ATXN7L1: variants seen among roughly 807,000 people sequenced by gnomAD.
The protein encoded by ATXN7L1 is ataxin-7-like protein 1.
A neutral mutation model predicts 70.8 loss-of-function variants in ATXN7L1; 15 were observed. That is an observed-to-expected ratio of 0.21 (90% CI 0.14 to 0.33). The LOEUF (loss-of-function observed/expected upper bound fraction) is 0.33, where lower values mean the gene tolerates loss of function less well. Among genes scored for constraint, ATXN7L1 ranks in the 10% least tolerant of loss-of-function variants. ATXN7L1 has a pLI of 1.00. For missense variants in ATXN7L1, 975 were observed against 1,097.1 expected (o/e 0.89, Z 1.57); for synonymous variants, 440 against 445.1 (o/e 0.99, Z 0.14).
chr7:105,679,059 G>A (rs1202407957), intron 3 of ATXN7L1: 5 of 985,326 alleles, frequency 5.1e-6, no homozygotes, highest in East Asian at 1.1e-4. Context: ...TACACATCCC[G>A]GGGAGGCTGC....
At chr7:105,839,487 G>A (rs960993230) in intron 2 of ATXN7L1, among the ~76,000 whole-genome samples, 3 of 152,210 alleles carry the variant, frequency 2.0e-5, no homozygotes, top group African/African-American at 7.2e-5. Flanking sequence ...ATATGAGCCT[G>A]TTTGGCCATT....
At chr7:105,622,644 T>C (rs190026922) in intron 8 of ATXN7L1, among the ~76,000 whole-genome samples, 116 of 152,362 alleles carry the variant, frequency 7.6e-4, no homozygotes, top group African/African-American at 2.6e-3. Context: ...GGATGAATCA[T>C]GGCTGGTTCC....
chr7:105,801,007 G>C (rs1158596397), intron 2 of ATXN7L1, among the ~76,000 whole-genome samples: 1 of 152,186 alleles, frequency 6.6e-6, no homozygotes, highest in East Asian at 1.9e-4. Context: ...TTGAATTCTA[G>C]CACCACCTAC....
chr7:105,674,013 G>A (rs1804207523), intron 3 of ATXN7L1, among the ~76,000 whole-genome samples: 2 of 152,234 alleles, frequency 1.3e-5, no homozygotes, highest in South Asian at 4.1e-4. Flanking sequence ...TTCCATGCCA[G>A]GAGTGCTTGT....
chr7:105,639,151 C>A (rs189080273), intron 6 of ATXN7L1, among the ~76,000 whole-genome samples: 2 of 148,088 alleles, frequency 1.4e-5, no homozygotes, highest in Admixed American at 1.3e-4. Context: ...GCGCTGCCGC[C>A]GCCGCCGCCG....
intron 2 of ATXN7L1, among the ~76,000 whole-genome samples, chr7:105,835,885 TTCTC>T (rs566323199): frequency 3.3e-5 from 5 of 151,590 alleles, no homozygotes; most frequent in African/African-American, 9.7e-5. Flanking sequence ...AGTGGCACCC[TTCTC>T]TCTCTCTCTC....
intron 2 of ATXN7L1, among the ~76,000 whole-genome samples, chr7:105,872,542 T>C (rs955325960): frequency 7.2e-5 from 11 of 152,184 alleles, no homozygotes; most frequent in African/African-American, 2.4e-4. Context: ...TATGAAGAGA[T>C]GCGAAGTGAA....
At chr7:105,732,534 T>G (rs1365011008) in intron 3 of ATXN7L1, among the ~76,000 whole-genome samples, 1 of 152,192 alleles carries the variant, frequency 6.6e-6, no homozygotes, top group East Asian at 1.9e-4. Flanking sequence ...ATTCATAGTT[T>G]GATTTAGCAG....
chr7:105,690,248 G>T (rs868366503), intron 3 of ATXN7L1, among the ~76,000 whole-genome samples: 1 of 151,776 alleles, frequency 6.6e-6, no homozygotes, highest in Admixed American at 6.6e-5. Flanking sequence ...CAGGTGATCC[G>T]CCCGCCTCAG....
rs987537059 is a variant in ATXN7L1 at position 105,784,850 on chromosome 7, A to G, written c.355+3754T>C. 3.3e-5 allele frequency among the ~76,000 whole-genome samples: 5 copies of G among 152,196 alleles called. 1 individual carries two copies. The highest frequency in any genetic ancestry group is 1.5e-5 in the Non-Finnish European group (1 of 68,032). On this transcript the variant is annotated intron_variant, in intron 3 of 11. Transcript: ENST00000419735. ...CCAAAGCCCATGCTGTCTCCTCTAC[A>G]TCAACAAAGTTCAAATAATGTTCTG...
intron 2 of ATXN7L1, among the ~76,000 whole-genome samples, chr7:105,805,146 A>G (rs540254659): frequency 6.6e-6 from 1 of 152,380 alleles, no homozygotes; most frequent in South Asian, 2.1e-4. Flanking sequence ...CCTGAGCCAG[A>G]CAGTTAGAGA....
rs190254306 is a variant in ATXN7L1 at position 105,809,540 on chromosome 7, T to C, written c.251-20832A>G. Among the ~76,000 whole-genome samples, 7 of 152,354 alleles carry C rather than the reference T, an allele frequency of 4.6e-5. No homozygotes were observed. The East Asian group carries it at 1.3e-3, about 29-fold the overall frequency. On this transcript the variant is annotated intron_variant, in intron 2 of 11. Transcript: ENST00000419735. Reference sequence around the variant, plus strand: ...GTATTGGTCCTTTATGACTGGCTTATTTCATTTAGCATAGTGTCCTCAAGG... The same window carrying C: ...GTATTGGTCCTTTATGACTGGCTTACTTCATTTAGCATAGTGTCCTCAAGG...
At chr7:105,761,187 C>T (rs1800485047) in intron 3 of ATXN7L1, 1 of 1,389,184 alleles carries the variant, frequency 7.2e-7, no homozygotes, top group Non-Finnish European at 9.3e-7. Context: ...CACAGGTACC[C>T]CCTGCTCTGC....
At chr7:105,733,533 T>TCCATCCATCCATCCATCCAC (rs1796844382) in intron 3 of ATXN7L1, among the ~76,000 whole-genome samples, 1 of 104,186 alleles carries the variant, frequency 9.6e-6, no homozygotes, top group Non-Finnish European at 1.8e-5. Context: ...CATCCATCCA[T>TCCATCCATCCATCCATCCAC]CCATCCACCC....
At chr7:105,702,685 A>C (rs983079240) in intron 3 of ATXN7L1, among the ~76,000 whole-genome samples, 1 of 152,210 alleles carries the variant, frequency 6.6e-6, no homozygotes, top group Non-Finnish European at 1.5e-5. Context: ...ATAAGTAAAT[A>C]AAAAGTACTT....
chr7:105,857,451 A>G (rs1015377669), intron 2 of ATXN7L1, among the ~76,000 whole-genome samples: 1 of 152,172 alleles, frequency 6.6e-6, no homozygotes, highest in Admixed American at 6.5e-5. Flanking sequence ...TTCCACACAG[A>G]GCCCAGCCCA....
chr7:105,753,975 C>A (rs183531980), intron 3 of ATXN7L1, among the ~76,000 whole-genome samples: 4 of 117,004 alleles, frequency 3.4e-5, no homozygotes, highest in Admixed American at 9.0e-5. Flanking sequence ...CTCTGCCCCC[C>A]CAAAAGCCAT....
intron 2 of ATXN7L1, among the ~76,000 whole-genome samples, chr7:105,864,300 C>A (rs1008046077): frequency 4.0e-5 from 6 of 149,922 alleles, no homozygotes; most frequent in Admixed American, 6.6e-5. Context: ...TACTAAAAGT[C>A]AAAAAAAATT....
chr7:105,672,904 A>G (rs1035683701), intron 3 of ATXN7L1, among the ~76,000 whole-genome samples: 1 of 152,258 alleles, frequency 6.6e-6, no homozygotes, highest in Admixed American at 6.5e-5. Flanking sequence ...CAAAGAAATG[A>G]AAAGCCAAAT....
Sources: allele counts gnomAD v4.1 joint callset (sites outside exome capture counted in the v4.1 genomes callset), GRCh38; gene constraint gnomAD v4.1.1; transcripts MANE v1.5; gene names NCBI Gene and HGNC (gene_info 2026-07-23, HGNC 2026-07-21).